IL2RB: variants seen among roughly 807,000 people sequenced by gnomAD.
IL2RB encodes interleukin 2 receptor subunit beta, also known as interleukin-2 receptor subunit beta.
In IL2RB, 17 loss-of-function variants were observed where a neutral mutation model predicts 44.2. That is an observed-to-expected ratio of 0.38 (90% CI 0.26 to 0.58). The LOEUF is 0.58. IL2RB is among the 20% of genes least tolerant of loss of function. IL2RB has a pLI of 0.63. For missense variants in IL2RB, 624 were observed against 685.5 expected (o/e 0.91, Z 1.00); for synonymous variants, 286 against 297.9 (o/e 0.96, Z 0.41).
rs574009915 is a variant in IL2RB at position 37,165,047 on chromosome 22, G to A, written c.-34+9911C>T. 6.7e-4 allele frequency among the ~76,000 whole-genome samples: 102 copies of A among 152,278 alleles called. 1 individual carries two copies. Among genetic ancestry groups the A allele is most frequent in the South Asian group, 3.7e-3 (18 of 4,828 alleles). On this transcript the variant is annotated intron_variant, in intron 1 of 5. Transcript: ENST00000429622. ...AGTGTGCACAGAAGTTTGAGAGGCC[G>A]CATGTTACCTCAGTGAATCCTGACA...
At position 37,136,354 on chromosome 22, in the gene IL2RB, T is replaced by A; in HGVS notation, c.577A>T (p.Ile193Phe). Residue 193 changes from isoleucine to phenylalanine, a missense_variant, in exon 7 of 10, where the codon ATC becomes TTC. Coordinates refer to ENST00000216223, the MANE Select transcript of IL2RB (RefSeq NM_000878.5). ...LLTLKQKQEW[I>F]CLETLTPDTQ... is the part of the protein sequence containing the mutation. ...TCTGGGGTGAGCGTCTCCAGGCAGA[T>A]CCATTCCTGCTTCTGCTTGAGAGTC... 1.2e-6 allele frequency: 2 copies of A among 1,612,602 alleles called. No individual in the cohort carries two copies. Among genetic ancestry groups the A allele is most frequent in the Non-Finnish European group, 1.7e-6 (2 of 1,179,490 alleles).
At chr22:37,154,847 TAC>T (rs1922623192), upstream of IL2RB, among the ~76,000 whole-genome samples, 2 of 152,082 alleles carry the variant, frequency 1.3e-5, no homozygotes, top group Non-Finnish European at 2.9e-5. Context: ...GTGCTGGGAT[TAC>T]AGACGTTAGC....
chr22:37,162,240 G>A (rs888433010), intron 1 of IL2RB, among the ~76,000 whole-genome samples: 5 of 152,182 alleles, frequency 3.3e-5, no homozygotes, highest in Admixed American at 2.6e-4. Context: ...TTCTGTCTGC[G>A]GGGCCTTGGA....
chr22:37,136,674 C>T (rs1921721718), intron 6 of IL2RB, among the ~76,000 whole-genome samples: 1 of 152,006 alleles, frequency 6.6e-6, no homozygotes, highest in South Asian at 2.1e-4. Context: ...TCACCCCAGG[C>T]CTGAGCTGCC....
chr22:37,130,795 C>T (rs1921386838), intron 9 of IL2RB, among the ~76,000 whole-genome samples: 1 of 152,228 alleles, frequency 6.6e-6, no homozygotes, highest in African/African-American at 2.4e-5. Context: ...TGCTTGAATA[C>T]CTTTATAGAT....
chr22:37,129,344 C>A lies in IL2RB; in HGVS notation c.904-496G>T, dbSNP rs1921305991. Among the ~76,000 whole-genome samples the A allele has an allele frequency of 2.0e-5, 3 of 152,110 alleles. 1 individual carries two copies. The South Asian group carries it at 6.2e-4, about 32-fold the overall frequency. On this transcript the variant is annotated intron_variant, in intron 9 of 9. Coordinates refer to ENST00000216223, the MANE Select transcript of IL2RB (RefSeq NM_000878.5). ...TGCCCTGGCCCTGATCACAGACCAG[C>A]AGGCGGCAGAGCTGGGACCCAGGGT...
intron 1 of IL2RB, among the ~76,000 whole-genome samples, chr22:37,144,754 A>T (rs1922145283): frequency 1.3e-5 from 2 of 152,146 alleles, no homozygotes; most frequent in African/African-American, 4.8e-5. Context: ...AAAGAAAAAA[A>T]TAAAAGAAGC....
intron 1 of IL2RB, among the ~76,000 whole-genome samples, chr22:37,145,307 G>A (rs1047928193): frequency 6.6e-6 from 1 of 152,150 alleles, no homozygotes; most frequent in Admixed American, 6.5e-5. Flanking sequence ...TGGTCACCCA[G>A]ATTATACCCC....
rs182449096 is a variant in IL2RB at position 37,155,053 on chromosome 22, G to A, written c.-33-10848C>T. On this transcript the variant is annotated intron_variant, in intron 1 of 5. Coordinates refer to the IL2RB transcript ENST00000429622. Reference sequence around the variant, plus strand: ...GGGCCTCTGAGACCTGGGGACTGCTGTTTCTGTTTTCTCTGACTCATACAG... The same window carrying A: ...GGGCCTCTGAGACCTGGGGACTGCTATTTCTGTTTTCTCTGACTCATACAG... 2.4e-3 allele frequency among the ~76,000 whole-genome samples: 365 copies of A among 152,286 alleles called. 5 individuals carry two copies. The highest frequency in any genetic ancestry group is 8.3e-3 in the African/African-American group (344 of 41,556).
intron 6 of IL2RB, among the ~76,000 whole-genome samples, chr22:37,136,701 G>A (rs1049120346): frequency 3.3e-5 from 5 of 151,978 alleles, no homozygotes; most frequent in African/African-American, 1.2e-4. Context: ...TCCCAAGCCT[G>A]CAGCTGGTCT....
intron 1 of IL2RB, among the ~76,000 whole-genome samples, chr22:37,162,714 G>A (rs767092491): frequency 2.6e-5 from 4 of 152,024 alleles, no homozygotes; most frequent in Admixed American, 2.0e-4. Flanking sequence ...CCAAATCCCT[G>A]ACCCCCACCC....
chr22:37,138,988 C>A (rs1024981257), intron 5 of IL2RB, 129 bp downstream of exon 5: 1 of 643,914 alleles, frequency 1.6e-6, no homozygotes, highest in Non-Finnish European at 2.8e-6. Context: ...GAACAGCGGG[C>A]GGTGAGGTGA....
At chr22:37,159,417 G>A (rs993366384) in intron 1 of IL2RB, among the ~76,000 whole-genome samples, 4 of 152,100 alleles carry the variant, frequency 2.6e-5, no homozygotes, top group Non-Finnish European at 4.4e-5. Flanking sequence ...CACCAGAAGC[G>A]GCCACCCTGG....
At chr22:37,168,129 C>T (rs148011882) in intron 1 of IL2RB, among the ~76,000 whole-genome samples, 1 of 152,316 alleles carries the variant, frequency 6.6e-6, no homozygotes, top group East Asian at 1.9e-4. Context: ...TGTGGTGACC[C>T]TTGGCCTGAA....
At chr22:37,134,820 G>A (rs1921601964) in intron 8 of IL2RB, among the ~76,000 whole-genome samples, 1 of 152,200 alleles carries the variant, frequency 6.6e-6, no homozygotes. Flanking sequence ...TGAGCTGCCT[G>A]GAGCTGGGGC....
At chr22:37,149,777 C>T in intron 1 of IL2RB, 48 bp downstream of exon 1, 3 of 896,792 alleles carry the variant, frequency 3.3e-6, no homozygotes, top group Non-Finnish European at 4.0e-6. Flanking sequence ...TCACTCCCAG[C>T]CCTCTGGCTG....
chr22:37,138,573 C>T (rs993839417), intron 5 of IL2RB, among the ~76,000 whole-genome samples: 3 of 152,160 alleles, frequency 2.0e-5, no homozygotes, highest in Non-Finnish European at 2.9e-5. Context: ...GTGCTGGGTG[C>T]GTGGCAAGGA....
At position 37,149,914 on chromosome 22, in the gene IL2RB, T is replaced by C. The variant is rs1922405227; in HGVS notation, c.-123A>G. ...CCATCTCTCCAGGGCCCTGCTGAGC[T>C]CTGGCTGCTGGGGCCGCAAAGACTA... On this transcript the variant is annotated 5_prime_UTR_variant, in exon 1 of 10. Transcript: ENST00000216223. The C allele has an allele frequency of 3.9e-5, 38 of 985,424 alleles. No homozygotes were observed. Among genetic ancestry groups the C allele is most frequent in the Non-Finnish European group, 4.2e-5 (35 of 830,000 alleles). The allele number at this position is 985,424 out of a possible 1,614,324, so 61.0% of individuals were successfully genotyped here. A position where few individuals can be genotyped will look rare whatever the true frequency, so the allele number is the denominator to read the frequency against.
At chr22:37,162,048 A>G (rs1363380325) in intron 1 of IL2RB, 1 of 152,252 alleles carries the variant, frequency 6.6e-6, no homozygotes, top group African/African-American at 2.4e-5. Flanking sequence ...AGTAGCCAGT[A>G]GAGTTTTTGC....
Sources: gnomAD v4.1 joint callset for allele counts (sites outside exome capture counted in the v4.1 genomes callset) on GRCh38, gnomAD v4.1.1 for gene constraint, MANE v1.5 for transcripts, NCBI Gene and HGNC (gene_info 2026-07-23, HGNC 2026-07-21) for gene names.